The following PTPRG variants were observed in gnomAD, a reference collection of about 807,000 sequenced individuals.
PTPRG encodes the protein receptor-type tyrosine-protein phosphatase gamma.
In PTPRG, 102 loss-of-function variants were observed where a neutral mutation model predicts 165.3. The observed-to-expected ratio is 0.62, with a 90% CI of 0.53 to 0.73. PTPRG has a LOEUF of 0.73. Ranked by LOEUF, PTPRG falls within the 30% of genes least tolerant of loss-of-function variation. The pLI is 0.00. For synonymous variants in PTPRG, 675 were observed against 669.5 expected (o/e 1.01, Z -0.13); for missense variants, 1,866 against 1,861.4 (o/e 1.00, Z -0.05).
At chr3:62,023,402 A>G (rs1021252412) in intron 4 of PTPRG, among the ~76,000 whole-genome samples, 1 of 152,134 alleles carries the variant, frequency 6.6e-6, no homozygotes, top group African/African-American at 2.4e-5. Flanking sequence ...TATATTTGCA[A>G]ATTTCAGCCA....
intron 4 of PTPRG, among the ~76,000 whole-genome samples, chr3:62,072,359 T>A (rs191600627): frequency 6.6e-6 from 1 of 152,294 alleles, no homozygotes; most frequent in East Asian, 1.9e-4. Context: ...ATTTTCCAAA[T>A]GTCAAATTAT....
intron 16 of PTPRG, chr3:62,261,675 G>C (rs746142155): frequency 6.6e-6 from 1 of 151,400 alleles, no homozygotes; most frequent in African/African-American, 2.4e-5. Context: ...AACAATTGGA[G>C]AGTCATTGAA....
intron 2 of PTPRG, among the ~76,000 whole-genome samples, chr3:61,856,767 A>G (rs1460406188): frequency 6.6e-6 from 1 of 152,198 alleles, no homozygotes; most frequent in Non-Finnish European, 1.5e-5. Context: ...ATTACTCATT[A>G]TGCTGCTCTT....
intron 2 of PTPRG, among the ~76,000 whole-genome samples, chr3:61,922,497 C>T (rs1455788533): frequency 4.6e-5 from 7 of 152,112 alleles, no homozygotes; most frequent in Non-Finnish European, 5.9e-5. Flanking sequence ...TGTGTGTGTA[C>T]GCTTGTGCGC....
intron 2 of PTPRG, among the ~76,000 whole-genome samples, chr3:61,940,065 G>C (rs1370755588): frequency 1.4e-5 from 2 of 147,334 alleles, no homozygotes; most frequent in African/African-American, 5.0e-5. Flanking sequence ...TCCTGCCTCA[G>C]CCTCCTGAGT....
At chr3:62,211,647 C>T (rs753633845) in intron 12 of PTPRG, among the ~76,000 whole-genome samples, 4 of 152,020 alleles carry the variant, frequency 2.6e-5, no homozygotes, top group African/African-American at 4.8e-5. Flanking sequence ...GTATGCATAT[C>T]GTCCTTCTCT....
chr3:61,566,451 C>T (rs1009998679), intron 1 of PTPRG, among the ~76,000 whole-genome samples: 2 of 152,210 alleles, frequency 1.3e-5, no homozygotes, highest in Non-Finnish European at 2.9e-5. Flanking sequence ...TTAAAATGCC[C>T]TAGAGTAGTT....
intron 5 of PTPRG, among the ~76,000 whole-genome samples, chr3:62,089,735 T>A (rs2106791484): frequency 6.6e-6 from 1 of 152,332 alleles, no homozygotes; most frequent in South Asian, 2.1e-4. Flanking sequence ...GCTCATTGTG[T>A]TCTCTGAGTA....
In PTPRG at chr3:62,237,027, G is replaced by C. The variant is rs1701049172; in HGVS notation, c.2375+5716G>C. ...TACAGCAGTGTTGTGTGGAATTCCAGACATTTCTAATGTTCAGTCTTTCTG... is the reference window on the plus strand; with the variant it reads ...TACAGCAGTGTTGTGTGGAATTCCACACATTTCTAATGTTCAGTCTTTCTG... On this transcript the variant is annotated intron_variant, in intron 14 of 29. Coordinates refer to ENST00000474889, the MANE Select transcript of PTPRG (RefSeq NM_002841.4). This position sits in a 1 kb window ranked among gnomAD's most constrained non-coding sequence, Gnocchi z 4.5. 1.3e-5 allele frequency among the ~76,000 whole-genome samples: 2 copies of C among 152,140 alleles called. No individual in the cohort carries two copies. Among genetic ancestry groups the C allele is most frequent in the Non-Finnish European group, 2.9e-5 (2 of 68,030 alleles).
At chr3:62,274,957 A>G (rs1255370700) in intron 23 of PTPRG, among the ~76,000 whole-genome samples, 1 of 152,112 alleles carries the variant, frequency 6.6e-6, no homozygotes, top group Non-Finnish European at 1.5e-5. Flanking sequence ...GCGACCAGGT[A>G]GTTGGTTCTT....
intron 2 of PTPRG, among the ~76,000 whole-genome samples, chr3:61,987,618 A>G (rs78598401): frequency 0.083 from 12,616 of 151,964 alleles, 1,333 homozygotes; most frequent in African/African-American, 0.25. Flanking sequence ...AAGTTTCTAG[A>G]AGGCATGCAT....
intron 2 of PTPRG, among the ~76,000 whole-genome samples, chr3:61,933,001 G>T (rs2039398294): frequency 6.6e-6 from 1 of 152,180 alleles, no homozygotes. Flanking sequence ...TAAATTGGCT[G>T]TCTGAAACCC....
At chr3:61,950,932 A>T (rs4688668) in intron 2 of PTPRG, among the ~76,000 whole-genome samples, 1 of 152,120 alleles carries the variant, frequency 6.6e-6, no homozygotes, top group African/African-American at 2.4e-5. Flanking sequence ...ATGTCCTGTC[A>T]TGTGGACAAG....
rs1446571235 is a variant in PTPRG at position 62,196,916 on chromosome 3, TCTC to T, written c.1327+1749_1327+1751del. On this transcript the variant is annotated intron_variant, in intron 10 of 29. Coordinates refer to ENST00000474889, the MANE Select transcript of PTPRG (RefSeq NM_002841.4). ...AGCAGCAGCAGCAGCAACTGCAAGA[TCTC>T]CTGGAAGCCTCATTTGAGAAGTGCA... is the stretch of plus-strand genomic sequence containing the variant. Among the ~76,000 whole-genome samples, 6 of 152,266 alleles carry T rather than the reference TCTC, an allele frequency of 3.9e-5. No homozygotes were observed. The South Asian group carries it at 6.2e-4, about 16-fold the overall frequency.
rs189491225 is a variant in PTPRG at position 62,266,585 on chromosome 3, C to T, written c.2657-825C>T. ...AGAACAACAAAAACAGTTCACAGTT[C>T]CAAAAACATAGAGGGCTCTCAAAAA... On this transcript the variant is annotated intron_variant, in intron 17 of 29. Transcript: ENST00000474889. 4.1e-3 allele frequency among the ~76,000 whole-genome samples: 628 copies of T among 151,864 alleles called. 3 individuals carry two copies. Among genetic ancestry groups the T allele is most frequent in the Admixed American group, 9.9e-3 (151 of 15,258 alleles).
At chr3:61,880,646 AG>A (rs1427984269) in intron 2 of PTPRG, among the ~76,000 whole-genome samples, 62 of 141,898 alleles carry the variant, frequency 4.4e-4, no homozygotes, top group African/African-American at 1.6e-3. Flanking sequence ...AAAAAAAAAG[AG>A]AGAGACCTAT....
At chr3:61,829,286 G>C (rs1448330183) in intron 2 of PTPRG, among the ~76,000 whole-genome samples, 1 of 152,264 alleles carries the variant, frequency 6.6e-6, no homozygotes, top group Non-Finnish European at 1.5e-5. Context: ...AAGTGTTGAG[G>C]AATTCCCAGA....
intron 4 of PTPRG, among the ~76,000 whole-genome samples, chr3:62,048,672 G>A (rs1700372705): frequency 6.6e-6 from 1 of 152,186 alleles, no homozygotes; most frequent in African/African-American, 2.4e-5. Flanking sequence ...ACGGAGATTG[G>A]AGTAAATGGT....
intron 4 of PTPRG, among the ~76,000 whole-genome samples, chr3:62,016,051 AGAAGT>A (rs142040851): frequency 0.042 from 6,388 of 152,300 alleles, 215 homozygotes; most frequent in Middle Eastern, 0.11. Context: ...TGTAACATAG[AGAAGT>A]GATCATTAAG....
Sources: allele counts gnomAD v4.1 joint callset (sites outside exome capture counted in the v4.1 genomes callset), GRCh38; gene constraint gnomAD v4.1.1; non-coding constraint Gnocchi (gnomAD v3.1); transcripts MANE v1.5; gene names NCBI Gene and HGNC (gene_info 2026-07-23, HGNC 2026-07-21).